The following AGBL3 variants were observed in gnomAD, a reference collection of about 807,000 sequenced individuals.
AGBL3 encodes cytosolic carboxypeptidase 3.
A neutral mutation model predicts 94.5 loss-of-function variants in AGBL3; 68 were observed. The ratio of observed to expected loss-of-function variants is 0.72; its 90% CI spans 0.59 to 0.88. The LOEUF (loss-of-function observed/expected upper bound fraction) is 0.88. Among genes scored for constraint, AGBL3 ranks in the 40% least tolerant of loss-of-function variants. The pLI is 0.00. For synonymous variants in AGBL3, 354 were observed against 370.7 expected, an observed-to-expected ratio of 0.95 and a Z score of 0.52; for missense variants, 934 against 1,103.8, an observed-to-expected ratio of 0.85 and a Z score of 2.18.
At chr7:135,134,750 GAA>G in intron 16 of AGBL3, 89 bp from the exon 17 acceptor site, 1 of 1,218,790 alleles carries the variant, frequency 8.2e-7, no homozygotes, top group Non-Finnish European at 1.1e-6. Flanking sequence ...TTACTAAAAG[GAA>G]AAATATTATT....
At chr7:135,032,662 C>T (rs1170052650) in intron 5 of AGBL3, among the ~76,000 whole-genome samples, 182 bp from the exon 6 acceptor site, 1 of 151,948 alleles carries the variant, frequency 6.6e-6, no homozygotes, top group Non-Finnish European at 1.5e-5. Flanking sequence ...TTATTTTAGG[C>T]ATTGTTTTTC....
intron 8 of AGBL3, among the ~76,000 whole-genome samples, chr7:135,041,463 T>TA (rs1237842387): frequency 1.3e-5 from 2 of 152,174 alleles, no homozygotes; most frequent in Admixed American, 1.3e-4. Context: ...CCCATATACA[T>TA]ATGGCCTTTT....
chr7:135,078,217 A>G (rs1424491590), intron 13 of AGBL3, among the ~76,000 whole-genome samples: 5 of 152,226 alleles, frequency 3.3e-5, no homozygotes, highest in Admixed American at 6.5e-5. Flanking sequence ...GGTCAGGGAA[A>G]GAGACAGAGA....
intron 15 of AGBL3, among the ~76,000 whole-genome samples, chr7:135,082,938 C>T (rs1332960983): frequency 2.0e-5 from 3 of 152,202 alleles, no homozygotes; most frequent in Admixed American, 1.3e-4. Flanking sequence ...AGATGTCCCA[C>T]ATATCCAAAT....
At chr7:135,124,220 CAAA>C (rs369396148) in intron 16 of AGBL3, among the ~76,000 whole-genome samples, 1 of 138,188 alleles carries the variant, frequency 7.2e-6, no homozygotes. Context: ...AAATGGAAAG[CAAA>C]AAAAAAAAAA....
chr7:135,058,110 T>C (rs1241899229), intron 11 of AGBL3, among the ~76,000 whole-genome samples: 1 of 152,170 alleles, frequency 6.6e-6, no homozygotes, highest in East Asian at 1.9e-4. Context: ...GTTTAATCAA[T>C]TGTAACAAAT....
At chr7:135,075,420 C>T (rs1820356974) in intron 12 of AGBL3, among the ~76,000 whole-genome samples, 1 of 152,134 alleles carries the variant, frequency 6.6e-6, no homozygotes, top group Admixed American at 6.6e-5. Flanking sequence ...ATAGTTTCTT[C>T]CTTTTTATTT....
At chr7:135,004,908 A>G (rs1291197719) in intron 4 of AGBL3, among the ~76,000 whole-genome samples, 2 of 151,426 alleles carry the variant, frequency 1.3e-5, no homozygotes, top group African/African-American at 4.8e-5. Context: ...TTTTTTTATA[A>G]ATCGGATTTA....
chr7:135,101,009 T>G, intron 15 of AGBL3: 1 of 352,178 alleles, frequency 2.8e-6, no homozygotes, highest in South Asian at 2.2e-5. Flanking sequence ...AAATATAACA[T>G]GGCTATTACA....
At position 135,115,568 on chromosome 7, in the gene AGBL3, A is replaced by G; in HGVS notation, c.2299A>G (p.Lys767Glu). The stretch of plus-strand genomic sequence containing the variant: ...TAAAAACATGCAAACCACTCAGATA[A>G]AACAGCTATTCAATCCAAGAACCAA... ...STKNMQTTQI[K>E]QLFNPRTNFQ... Residue 767 changes from lysine to glutamate, a missense_variant, in exon 16 of 17, where the codon AAA becomes GAA. Lys to Glu is a moderately conservative substitution (Grantham distance 56, BLOSUM62 1). Around this residue, in one of 3 missense-constraint regions of AGBL3, gnomAD observed 441 missense variants for 518.2 expected, o/e 0.85. Transcript: ENST00000436302. 6.4e-7 allele frequency: 1 copy of G among 1,551,340 alleles called. No individual in the cohort carries two copies. Among genetic ancestry groups the G allele is most frequent in the Non-Finnish European group, 8.7e-7 (1 of 1,146,788 alleles).
intron 16 of AGBL3, among the ~76,000 whole-genome samples, chr7:135,131,574 A>C (rs554660136): frequency 6.6e-6 from 1 of 152,226 alleles, no homozygotes; most frequent in South Asian, 2.1e-4. Flanking sequence ...AGAAATTTAT[A>C]GAACTAACTG....
chr7:134,988,137 G>A, intron 2 of AGBL3, 141 bp downstream of exon 2: 1 of 652,466 alleles, frequency 1.5e-6, no homozygotes. Context: ...AAATAATTTG[G>A]CTGAAAAAGC....
intron 15 of AGBL3, chr7:135,101,227 T>C (rs1180680483): frequency 6.6e-6 from 3 of 456,138 alleles, no homozygotes; most frequent in Non-Finnish European, 1.3e-5. Context: ...CAGTCTCCTA[T>C]GGGCAAACAA....
chr7:135,132,948 AAAAAT>A (rs1207834135), intron 16 of AGBL3, among the ~76,000 whole-genome samples: 1 of 152,212 alleles, frequency 6.6e-6, no homozygotes, highest in Non-Finnish European at 1.5e-5. Context: ...AAGGCAATAA[AAAAAT>A]AAAAAGCATA....
intron 11 of AGBL3, among the ~76,000 whole-genome samples, chr7:135,048,934 C>A (rs1216779389): frequency 2.0e-5 from 3 of 151,758 alleles, no homozygotes; most frequent in African/African-American, 4.8e-5. Context: ...GCAAGGTGAG[C>A]ATCCTTGCCT....
intron 1 of AGBL3, among the ~76,000 whole-genome samples, chr7:134,987,212 G>A (rs113399732): frequency 5.3e-5 from 8 of 152,320 alleles, no homozygotes; most frequent in African/African-American, 1.2e-4. Flanking sequence ...AGAGAGGGGC[G>A]TAAACTAATA....
rs537794368 is a variant in AGBL3 at position 135,115,416 on chromosome 7, G to A, written c.2147G>A (p.Cys716Tyr). 5 of 1,551,134 alleles carry A rather than the reference G, an allele frequency of 3.2e-6. No individual in the cohort carries two copies. In the African/African-American group the frequency reaches 4.1e-5, roughly 13 times the overall value. ...HHNLKSKIKE[C>Y]ISFQSKKTGI... ...AACTTAAAAAGCAAAATAAAAGAATGCATATCTTTCCAAAGCAAGAAGACT... is the reference window on the plus strand; with the variant it reads ...AACTTAAAAAGCAAAATAAAAGAATACATATCTTTCCAAAGCAAGAAGACT... The change falls in exon 16 of 17, where the codon TGC (cysteine) becomes TAC (tyrosine). Residue 716 changes from cysteine to tyrosine, a missense_variant. Cys to Tyr is a radical substitution (Grantham distance 194, BLOSUM62 -2). Around this residue, in one of 3 missense-constraint regions of AGBL3, gnomAD observed 441 missense variants for 518.2 expected, o/e 0.85. Transcript: ENST00000436302.
chr7:135,063,383 C>T (rs1292005699), intron 12 of AGBL3, among the ~76,000 whole-genome samples: 1 of 151,886 alleles, frequency 6.6e-6, no homozygotes, highest in East Asian at 1.9e-4. Context: ...CTGCTAACTC[C>T]ATGCTTAGTT....
At chr7:135,075,971 G>C (rs1229996362) in intron 12 of AGBL3, among the ~76,000 whole-genome samples, 1 of 152,194 alleles carries the variant, frequency 6.6e-6, no homozygotes, top group Admixed American at 6.5e-5. Context: ...CATTTCTGTG[G>C]TGTTAGGCTG....
Sources: gnomAD v4.1 joint callset for allele counts (sites outside exome capture counted in the v4.1 genomes callset) on GRCh38, gnomAD v4.1.1 for gene constraint, gnomAD v4.1.1 regional missense constraint, MANE v1.5 for transcripts, NCBI Gene and HGNC (gene_info 2026-07-23, HGNC 2026-07-21) for gene names.